Variants in C12orf50 observed in about 807,000 individuals in gnomAD.
C12orf50 encodes the protein uncharacterized protein C12orf50.
A neutral mutation model predicts 61.6 loss-of-function variants in C12orf50; 35 were observed. The observed-to-expected ratio is 0.57, with a 90% CI of 0.43 to 0.75. The LOEUF (loss-of-function observed/expected upper bound fraction) is 0.75. Ranked by LOEUF, C12orf50 falls within the 30% of genes least tolerant of loss-of-function variation. The probability of loss-of-function intolerance (pLI) is 0.00; values close to 1 mark genes in which losing one functional copy is unlikely to be tolerated. For missense variants in C12orf50, 475 were observed against 488.5 expected, an observed-to-expected ratio of 0.97 and a Z score of 0.26; for synonymous variants, 178 against 161.5, an observed-to-expected ratio of 1.10 and a Z score of -0.77.
chr12:88,021,164 A>C (rs978808149), intron 3 of C12orf50, among the ~76,000 whole-genome samples: 1 of 152,196 alleles, frequency 6.6e-6, no homozygotes, highest in South Asian at 2.1e-4. Flanking sequence ...CTGGCAGAAG[A>C]CAAGAAATTA....
At chr12:88,024,363 G>A (rs1205728814) in intron 3 of C12orf50, among the ~76,000 whole-genome samples, 1 of 152,094 alleles carries the variant, frequency 6.6e-6, no homozygotes, top group Non-Finnish European at 1.5e-5. Context: ...CAATAGCAAA[G>A]ACATGAAATT....
intron 3 of C12orf50, among the ~76,000 whole-genome samples, chr12:87,998,790 T>G (rs2031530637): frequency 6.6e-6 from 1 of 152,210 alleles, no homozygotes. Context: ...AGACCAGAAC[T>G]AAATCTTTAT....
intron 3 of C12orf50, among the ~76,000 whole-genome samples, chr12:88,002,622 G>A (rs1304659729): frequency 6.6e-6 from 1 of 151,516 alleles, no homozygotes; most frequent in Admixed American, 6.6e-5. Context: ...TCTGTAGACA[G>A]CATATAGTTT....
At chr12:87,986,883 G>T (rs1255697761) in intron 9 of C12orf50, among the ~76,000 whole-genome samples, 1 of 152,022 alleles carries the variant, frequency 6.6e-6, no homozygotes, top group Non-Finnish European at 1.5e-5. Flanking sequence ...CTTAAATTGG[G>T]TGTACAGATA....
chr12:88,018,643 G>T (rs1302931581), intron 3 of C12orf50, among the ~76,000 whole-genome samples: 1 of 152,246 alleles, frequency 6.6e-6, no homozygotes, highest in African/African-American at 2.4e-5. Flanking sequence ...ACCAGCCAGT[G>T]AAAGCAGCCA....
At chr12:87,991,523 G>GAAAA (rs1408152015) in intron 7 of C12orf50, among the ~76,000 whole-genome samples, 1 of 152,112 alleles carries the variant, frequency 6.6e-6, no homozygotes, top group Non-Finnish European at 1.5e-5. Flanking sequence ...TAGGTTGTCA[G>GAAAA]AAAGTATCCA....
Position 88,027,353 on chromosome 12 carries a change from G to C in C12orf50, c.-108-283C>G, listed in dbSNP as rs143941006. Among the ~76,000 whole-genome samples, 50 of 152,254 alleles carry C rather than the reference G, an allele frequency of 3.3e-4. 1 individual carries two copies. In the East Asian group the frequency reaches 8.5e-3, roughly 26 times the overall value. On this transcript the variant is annotated intron_variant, in intron 1 of 12. Coordinates refer to ENST00000298699, the MANE Select transcript of C12orf50 (RefSeq NM_152589.3). ...TAATCCATATGGTTCACTAGGAATA[G>C]AGATATAAGAATCCAGTGACACTTT...
intron 8 of C12orf50, among the ~76,000 whole-genome samples, chr12:87,988,561 T>A (rs572964040): frequency 6.6e-6 from 1 of 152,310 alleles, no homozygotes; most frequent in East Asian, 1.9e-4. Context: ...AGAGTTTCTT[T>A]GATGGACTGG....
At chr12:87,996,896 A>T (rs1565746541) in intron 4 of C12orf50, among the ~76,000 whole-genome samples, 1 of 152,184 alleles carries the variant, frequency 6.6e-6, no homozygotes, top group Non-Finnish European at 1.5e-5. Context: ...GTACAGACTC[A>T]ATGTTGAGAT....
intron 3 of C12orf50, among the ~76,000 whole-genome samples, chr12:88,001,106 C>T (rs1373251692): frequency 6.6e-6 from 1 of 151,780 alleles, no homozygotes; most frequent in African/African-American, 2.4e-5. Flanking sequence ...TTCAGTATTT[C>T]ATCAAGTATG....
chr12:87,997,968 A>T, intron 4 of C12orf50, 67 bp downstream of exon 4: 1 of 1,310,408 alleles, frequency 7.6e-7, no homozygotes, highest in Non-Finnish European at 1.1e-6. Context: ...CTTTACAGTT[A>T]AACACATATG....
intron 7 of C12orf50, among the ~76,000 whole-genome samples, chr12:87,994,017 T>C (rs990124878): frequency 6.6e-6 from 1 of 151,974 alleles, no homozygotes; most frequent in Non-Finnish European, 1.5e-5. Flanking sequence ...CTGACCAACA[T>C]GGTGAAACCC....
chr12:88,010,964 G>C (rs1213556529), intron 3 of C12orf50, among the ~76,000 whole-genome samples: 1 of 151,864 alleles, frequency 6.6e-6, no homozygotes, highest in Non-Finnish European at 1.5e-5. Context: ...AAATACTAAT[G>C]GTCTTTGCAT....
Position 87,994,756 on chromosome 12 carries a change from A to AG in C12orf50, c.482-14dup, listed in dbSNP as rs774947801. On this transcript the variant is annotated splice_polypyrimidine_tract_variant and intron_variant, in intron 6 of 12. Coordinates refer to ENST00000298699, the MANE Select transcript of C12orf50 (RefSeq NM_152589.3). Reference sequence around the variant, plus strand: ...GTAAGACTATCTCCTAGAAATAAGAAGAAAAAAAAGTCACCCCAGAAATTA... The same window carrying AG: ...GTAAGACTATCTCCTAGAAATAAGAAGGAAAAAAAAGTCACCCCAGAAATTA... 3 of 1,541,526 alleles carry AG rather than the reference A, an allele frequency of 1.9e-6. No individual in the cohort carries two copies. In the African/African-American group the frequency reaches 4.1e-5, roughly 21 times the overall value.
At chr12:88,020,009 C>T (rs1438012422) in intron 3 of C12orf50, among the ~76,000 whole-genome samples, 1 of 152,148 alleles carries the variant, frequency 6.6e-6, no homozygotes, top group Non-Finnish European at 1.5e-5. Context: ...TTTTTACCAC[C>T]AGACATGCCT....
chr12:88,002,491 G>T (rs1007455913), intron 3 of C12orf50, among the ~76,000 whole-genome samples: 3 of 151,690 alleles, frequency 2.0e-5, no homozygotes, highest in African/African-American at 7.2e-5. Flanking sequence ...ATGTCTGTTA[G>T]GTCTAGTTGC....
In C12orf50 at chr12:87,998,065, C is replaced by G; in HGVS notation, c.259G>C (p.Glu87Gln). The G allele has an allele frequency of 6.2e-7, 1 of 1,611,308 alleles. No individual in the cohort carries two copies. The highest frequency in any genetic ancestry group is 1.1e-5 in the South Asian group (1 of 90,566). Residue 87 changes from glutamate to glutamine, a missense_variant, in exon 4 of 13, where the codon GAG (glutamate) becomes CAG (glutamine). By Grantham distance (29) the Glu-to-Gln change is conservative. Coordinates refer to ENST00000298699, the MANE Select transcript of C12orf50 (RefSeq NM_152589.3). ...TGTTCATCTACTTCCTCTTCTTCCT[C>G]AAAATTAGTTTTTAAAACTAAAGGA... ...HHPLVLKTNF[E>Q]EEEEVDEQND...
rs542641279 is a variant in C12orf50 at position 87,999,166 on chromosome 12, C to T, written c.134-976G>A. ...GCTGGAAAGCAGTTCCCAGCCCTCT[C>T]AGCCAGATAATGAAGAAACACTCAG... On this transcript the variant is annotated intron_variant, in intron 3 of 12. Transcript: ENST00000298699. Among the ~76,000 whole-genome samples, 6 of 152,286 alleles carry T rather than the reference C, an allele frequency of 3.9e-5. No homozygotes were observed. The South Asian group carries it at 1.0e-3, about 26-fold the overall frequency.
chr12:87,993,611 C>T (rs1168077566), intron 7 of C12orf50, among the ~76,000 whole-genome samples: 1 of 152,096 alleles, frequency 6.6e-6, no homozygotes, highest in African/African-American at 2.4e-5. Flanking sequence ...AAGAAAATGG[C>T]TGACACCAGG....
Sources: allele counts gnomAD v4.1 joint callset (sites outside exome capture counted in the v4.1 genomes callset), GRCh38; gene constraint gnomAD v4.1.1; transcripts MANE v1.5; gene names NCBI Gene and HGNC (gene_info 2026-07-23, HGNC 2026-07-21).